DENND4C: variants seen among roughly 807,000 people sequenced by gnomAD.
DENND4C encodes DENN domain-containing protein 4C.
In DENND4C, 108 loss-of-function variants were observed where a neutral mutation model predicts 203.0. That is an observed-to-expected ratio of 0.53 (90% CI 0.46 to 0.62). The LOEUF (loss-of-function observed/expected upper bound fraction) is 0.62. Among genes scored for constraint, DENND4C ranks in the 20% least tolerant of loss-of-function variants. DENND4C has a pLI of 0.00. For missense variants in DENND4C, 2,481 were observed against 2,301.2 expected, an observed-to-expected ratio of 1.08 and a Z score of -1.60; for synonymous variants, 871 against 792.4, an observed-to-expected ratio of 1.10 and a Z score of -1.67.
intron 28 of DENND4C, among the ~76,000 whole-genome samples, chr9:19,359,316 A>C (rs911550618): frequency 6.6e-6 from 1 of 151,780 alleles, no homozygotes; most frequent in Non-Finnish European, 1.5e-5. Context: ...CCTGAGCTCA[A>C]GTGATCCTCC....
At position 19,352,672 on chromosome 9, in the gene DENND4C, C is replaced by T. The variant is rs537658744; in HGVS notation, c.4781+7C>T. On this transcript the variant is annotated splice_region_variant and intron_variant, in intron 26 of 32. Coordinates refer to ENST00000434457, the MANE Select transcript of DENND4C (RefSeq NM_001330640.2). The stretch of plus-strand genomic sequence containing the variant: ...ATTTGAGAGGTTCTGCAAGGTTAGT[C>T]TTATAAAAGCTCTCTCAAGAAGTAA... 1.3e-6 allele frequency: 2 copies of T among 1,564,048 alleles called. No individual in the cohort carries two copies. The highest frequency in any genetic ancestry group is 1.7e-6 in the Non-Finnish European group (2 of 1,152,388).
chr9:19,242,505 C>G (rs2131470749), intron 1 of DENND4C, among the ~76,000 whole-genome samples: 1 of 152,268 alleles, frequency 6.6e-6, no homozygotes, highest in South Asian at 2.1e-4. Context: ...TGCCAAACTG[C>G]CTTCCAAAAG....
chr9:19,326,941 A>G (rs531259906), intron 15 of DENND4C, among the ~76,000 whole-genome samples: 6 of 152,204 alleles, frequency 3.9e-5, no homozygotes, highest in African/African-American at 1.4e-4. Flanking sequence ...ATTTGTTTGT[A>G]GTTCTTTGCT....
In DENND4C at chr9:19,337,649, A is replaced by G. The variant is rs1007952716; in HGVS notation, c.2881+817A>G. On this transcript the variant is annotated intron_variant, in intron 20 of 32. Transcript: ENST00000434457. ...ATGGATACACGTGTGCATTAATTCT[A>G]CCCTTGAATGTTAACCACATCAGGT... 4.3e-5 allele frequency: 55 copies of G among 1,288,250 alleles called. No homozygotes were observed. The African/African-American group carries it at 6.7e-4, about 16-fold the overall frequency. 79.8% of individuals were successfully genotyped at this position (1,288,250 alleles called of 1,614,324 possible).
At chr9:19,349,760 A>G (rs1016468491) in intron 23 of DENND4C, among the ~76,000 whole-genome samples, 13 of 152,346 alleles carry the variant, frequency 8.5e-5, no homozygotes, top group African/African-American at 2.9e-4. Context: ...AATACATAAT[A>G]GTATATCAGT....
intron 10 of DENND4C, among the ~76,000 whole-genome samples, chr9:19,311,854 A>G (rs1160128883): frequency 6.6e-6 from 1 of 152,212 alleles, no homozygotes; most frequent in Non-Finnish European, 1.5e-5. Context: ...ATATATGATG[A>G]CAGCTTCTAT....
chr9:19,343,044 C>T (rs1196315597), intron 22 of DENND4C, among the ~76,000 whole-genome samples: 1 of 152,142 alleles, frequency 6.6e-6, no homozygotes, highest in Non-Finnish European at 1.5e-5. Flanking sequence ...GCCACTCTTT[C>T]TCATTATAGA....
chr9:19,275,835 G>C (rs545306395), intron 1 of DENND4C, among the ~76,000 whole-genome samples: 11 of 152,278 alleles, frequency 7.2e-5, no homozygotes, highest in Non-Finnish European at 1.0e-4. Flanking sequence ...GCGAACTTAA[G>C]ACCTCAGGTG....
chr9:19,324,830 C>T (rs1334101257), intron 13 of DENND4C, among the ~76,000 whole-genome samples: 13 of 152,170 alleles, frequency 8.5e-5, no homozygotes, highest in Non-Finnish European at 7.3e-5. Context: ...AGTGATTTTA[C>T]CACCTTAGCC....
Position 19,286,915 on chromosome 9 carries a change from C to A in DENND4C, c.452C>A (p.Pro151His), listed in dbSNP as rs1449400169. 3.6e-5 allele frequency: 44 copies of A among 1,232,068 alleles called. No individual in the cohort carries two copies. The highest frequency in any genetic ancestry group is 4.5e-5 in the Non-Finnish European group (44 of 987,942). The allele number at this position is 1,232,068 out of a possible 1,614,324, so 76.3% of individuals were successfully genotyped here. Residue 151 changes from proline (P) to histidine (H), a missense_variant, in exon 3 of 33, where the codon CCC (proline) becomes CAC (histidine). Around this residue, in one of 3 missense-constraint regions of DENND4C, gnomAD observed 187 missense variants for 167.4 expected, o/e 1.12. Coordinates refer to ENST00000434457, the MANE Select transcript of DENND4C (RefSeq NM_001330640.2). Reference sequence around the variant, plus strand: ...TATCGAAGGGCTCCTCCAGTTCGACCCCAGAATTCCTTGGCTGTAACTGAT... The same window carrying A: ...TATCGAAGGGCTCCTCCAGTTCGACACCAGAATTCCTTGGCTGTAACTGAT... ...ITYRRAPPVR[P>H]QNSLAVTDIC... is the part of the protein sequence containing the mutation.
chr9:19,352,521 C>T lies in DENND4C; in HGVS notation c.4637C>T (p.Ala1546Val), dbSNP rs764337687. The T allele has an allele frequency of 1.9e-6, 3 of 1,612,872 alleles. No individual in the cohort carries two copies. The highest frequency in any genetic ancestry group is 2.7e-5 in the African/African-American group (2 of 75,012). The part of the protein sequence containing the change: ...VLMSSCSQCR[A>V]CGALVYDEEI... ...ATGTCCAGTTGTTCACAGTGTAGAG[C>T]TTGTGGAGCTTTAGTTTATGATGAA... is the stretch of plus-strand genomic sequence containing the variant. The change falls in exon 26 of 33, where the codon GCT (alanine) becomes GTT (valine). Residue 1546 changes from alanine to valine, a missense_variant. By Grantham distance (64) the Ala-to-Val change is moderately conservative. Coordinates refer to ENST00000434457, the MANE Select transcript of DENND4C (RefSeq NM_001330640.2).
At chr9:19,295,649 G>A (rs1448861789) in intron 5 of DENND4C, among the ~76,000 whole-genome samples, 2 of 141,708 alleles carry the variant, frequency 1.4e-5, no homozygotes, top group East Asian at 4.0e-4. Flanking sequence ...CAGCCTGGGC[G>A]ACTGAGTGAG....
At chr9:19,309,476 A>G (rs1274954927) in intron 10 of DENND4C, among the ~76,000 whole-genome samples, 1 of 152,104 alleles carries the variant, frequency 6.6e-6, no homozygotes, top group Non-Finnish European at 1.5e-5. Context: ...CGTGAATATG[A>G]TAAAAACCAT....
chr9:19,234,611 C>A (rs540025751), intron 1 of DENND4C, among the ~76,000 whole-genome samples: 47 of 150,582 alleles, frequency 3.1e-4, no homozygotes, highest in African/African-American at 1.1e-3. Flanking sequence ...TCACTGCAGC[C>A]TCTACCTCCC....
At position 19,341,205 on chromosome 9, in the gene DENND4C, A is replaced by G. The variant is rs1046508860; in HGVS notation, c.3004+91A>G. ...ATCTTAGTTGATAGCTTTGATGATT[A>G]TTTTCACAAATGTAAGGTCTGGCTC... On this transcript the variant is annotated intron_variant, in intron 21 of 32. Coordinates refer to ENST00000434457, the MANE Select transcript of DENND4C (RefSeq NM_001330640.2). The G allele has an allele frequency of 2.0e-5, 21 of 1,076,894 alleles. No individual in the cohort carries two copies. The African/African-American group carries it at 3.0e-4, about 15-fold the overall frequency. 66.7% of individuals were successfully genotyped at this position (1,076,894 alleles called of 1,614,324 possible).
chr9:19,250,725 C>T (rs1454100450), intron 1 of DENND4C, among the ~76,000 whole-genome samples: 2 of 152,232 alleles, frequency 1.3e-5, no homozygotes, highest in African/African-American at 2.4e-5. Flanking sequence ...GAAGGGGCTA[C>T]AGGCCCCATG....
intron 13 of DENND4C, among the ~76,000 whole-genome samples, chr9:19,325,515 C>T (rs1330706539): frequency 2.0e-5 from 3 of 152,052 alleles, no homozygotes; most frequent in African/African-American, 7.2e-5. Flanking sequence ...ATAATTTTCT[C>T]CTATCAGTGT....
intron 1 of DENND4C, among the ~76,000 whole-genome samples, chr9:19,275,324 A>C (rs1311624842): frequency 3.2e-5 from 3 of 92,314 alleles, no homozygotes; most frequent in African/African-American, 8.8e-5. Context: ...ACAGAGTCTC[A>C]CTCTGTCTTC....
intron 12 of DENND4C, among the ~76,000 whole-genome samples, chr9:19,320,169 A>C (rs925717650): frequency 1.3e-5 from 2 of 152,106 alleles, no homozygotes; most frequent in Non-Finnish European, 2.9e-5. Context: ...TTTTAAAATC[A>C]TTGATGAAAT....
Sources: gnomAD v4.1 joint callset for allele counts (sites outside exome capture counted in the v4.1 genomes callset) on GRCh38, gnomAD v4.1.1 for gene constraint, gnomAD v4.1.1 regional missense constraint, MANE v1.5 for transcripts, NCBI Gene and HGNC (gene_info 2026-07-23, HGNC 2026-07-21) for gene names.